DLGAP2: variants seen among roughly 807,000 people sequenced by gnomAD.
DLGAP2 encodes the protein DLG associated protein 2.
In DLGAP2, 26 loss-of-function variants were observed where a neutral mutation model predicts 100.3. The ratio of observed to expected loss-of-function variants is 0.26; its 90% CI spans 0.19 to 0.36. The LOEUF (loss-of-function observed/expected upper bound fraction) is 0.36. Ranked by LOEUF, DLGAP2 falls within the 10% of genes least tolerant of loss-of-function variation. DLGAP2 has a pLI of 1.00. For missense variants in DLGAP2, 1,858 were observed against 1,453.2 expected, an observed-to-expected ratio of 1.28 and a Z score of -4.53; for synonymous variants, 886 against 630.1, an observed-to-expected ratio of 1.41 and a Z score of -6.08.
intron 3 of DLGAP2, among the ~76,000 whole-genome samples, chr8:1,355,748 C>T (rs753303941): frequency 5.3e-5 from 8 of 152,068 alleles, no homozygotes; most frequent in Non-Finnish European, 1.2e-4. Context: ...TGGTCCTGTC[C>T]CTGTGGACAA....
chr8:855,286 C>T (rs570873080), intron 1 of DLGAP2, among the ~76,000 whole-genome samples: 1 of 152,114 alleles, frequency 6.6e-6, no homozygotes, highest in Non-Finnish European at 1.5e-5. Context: ...GCACTTTCAG[C>T]ATGAATGCCT....
chr8:1,233,821 C>T (rs758851085), intron 2 of DLGAP2, among the ~76,000 whole-genome samples: 1 of 152,158 alleles, frequency 6.6e-6, no homozygotes, highest in Non-Finnish European at 1.5e-5. Flanking sequence ...ATATAGAAGT[C>T]TTGGAAAGAG....
intron 2 of DLGAP2, among the ~76,000 whole-genome samples, chr8:1,055,679 C>T (rs1485053226): frequency 6.6e-6 from 1 of 152,220 alleles, no homozygotes; most frequent in Non-Finnish European, 1.5e-5. Context: ...CTTCCAGCTC[C>T]TCCACAAAGC....
intron 2 of DLGAP2, among the ~76,000 whole-genome samples, chr8:1,158,906 G>T (rs748283232): frequency 6.6e-6 from 1 of 152,244 alleles, no homozygotes; most frequent in Non-Finnish European, 1.5e-5. Context: ...GGCCTGACCA[G>T]TGGAACTGAA....
chr8:1,442,856 C>T (rs929850268), intron 3 of DLGAP2, among the ~76,000 whole-genome samples: 3 of 152,264 alleles, frequency 2.0e-5, no homozygotes, highest in Non-Finnish European at 4.4e-5. Flanking sequence ...TGGGTTTAGC[C>T]ACTGGGATTG....
At chr8:1,651,460 G>T (rs919450042) in intron 8 of DLGAP2, among the ~76,000 whole-genome samples, 1 of 152,162 alleles carries the variant, frequency 6.6e-6, no homozygotes, top group Admixed American at 6.5e-5. Flanking sequence ...ATCACCAAGA[G>T]ACTGGAAGTT....
At chr8:1,003,742 C>T (rs998793067) in intron 2 of DLGAP2, among the ~76,000 whole-genome samples, 22 of 152,296 alleles carry the variant, frequency 1.4e-4, no homozygotes, top group Non-Finnish European at 2.2e-4. Context: ...GTTGTCTGAG[C>T]GCCTGGATTC....
Position 1,652,078 on chromosome 8 carries a change from T to C in DLGAP2, c.1811-16251T>C, listed in dbSNP as rs115670034. 7.4e-3 allele frequency among the ~76,000 whole-genome samples: 1,121 copies of C among 152,360 alleles called. 16 individuals carry two copies. The highest frequency in any genetic ancestry group is 0.025 in the African/African-American group (1,059 of 41,586). On this transcript the variant is annotated intron_variant, in intron 8 of 14. Coordinates refer to ENST00000637795, the MANE Select transcript of DLGAP2 (RefSeq NM_001346810.2). ...GGTTTTTTTCTGGTCATACACTCTT[T>C]AACATGCAGGTGTAGAATTAAGAGA...
intron 6 of DLGAP2, among the ~76,000 whole-genome samples, chr8:1,572,994 G>A (rs1289344009): frequency 8.3e-6 from 1 of 120,388 alleles, no homozygotes; most frequent in African/African-American, 3.3e-5. Flanking sequence ...AACTGGAGGG[G>A]CGTCTTCTGG....
intron 3 of DLGAP2, among the ~76,000 whole-genome samples, chr8:1,426,411 CA>C (rs1797237943): frequency 6.6e-6 from 1 of 152,096 alleles, no homozygotes; most frequent in Non-Finnish European, 1.5e-5. Context: ...CAGCATGAAG[CA>C]GGAGCCCAGA....
intron 2 of DLGAP2, among the ~76,000 whole-genome samples, chr8:1,169,013 A>C (rs979890051): frequency 6.7e-6 from 1 of 148,954 alleles, no homozygotes; most frequent in Non-Finnish European, 1.5e-5. Flanking sequence ...TTATGGTTTT[A>C]GGTCTAACGT....
At chr8:1,189,700 A>G (rs1797592646) in intron 2 of DLGAP2, among the ~76,000 whole-genome samples, 1 of 151,542 alleles carries the variant, frequency 6.6e-6, no homozygotes, top group African/African-American at 2.4e-5. Flanking sequence ...CAGGAAGTTT[A>G]CAGTTTGTAA....
chr8:1,046,007 G>A (rs1281551394), intron 2 of DLGAP2, among the ~76,000 whole-genome samples: 2 of 151,882 alleles, frequency 1.3e-5, no homozygotes, highest in African/African-American at 2.4e-5. Context: ...AGTGAGAGGG[G>A]GAAAGTGAGA....
intron 2 of DLGAP2, among the ~76,000 whole-genome samples, chr8:1,205,145 T>C (rs777928395): frequency 3.3e-5 from 5 of 152,208 alleles, no homozygotes; most frequent in Non-Finnish European, 5.9e-5. Context: ...TCCCTTGTCC[T>C]GGAAAGGTCC....
At chr8:1,493,949 A>T (rs930390652) in intron 3 of DLGAP2, among the ~76,000 whole-genome samples, 5 of 152,252 alleles carry the variant, frequency 3.3e-5, no homozygotes, top group African/African-American at 9.6e-5. Flanking sequence ...GTGGACTCAC[A>T]AGACTGGTGG....
chr8:866,266 T>C (rs1017353908), intron 1 of DLGAP2, among the ~76,000 whole-genome samples: 10 of 152,182 alleles, frequency 6.6e-5, no homozygotes, highest in African/African-American at 1.4e-4. Flanking sequence ...GTATCTCTCA[T>C]GGACTCTCTT....
chr8:1,546,477 G>A (rs554263295), intron 4 of DLGAP2, among the ~76,000 whole-genome samples: 38 of 152,344 alleles, frequency 2.5e-4, no homozygotes, highest in Middle Eastern at 3.4e-3. Context: ...TGTTTCCATG[G>A]CCATGCTGGC....
chr8:850,944 C>T (rs541207439), intron 1 of DLGAP2, among the ~76,000 whole-genome samples: 1 of 152,178 alleles, frequency 6.6e-6, no homozygotes, highest in Non-Finnish European at 1.5e-5. Flanking sequence ...AGCCAAGATT[C>T]ACACCTTAGA....
chr8:1,116,018 C>G (rs374835041), intron 2 of DLGAP2, among the ~76,000 whole-genome samples: 1 of 152,184 alleles, frequency 6.6e-6, no homozygotes, highest in Non-Finnish European at 1.5e-5. Context: ...GGGAGCCATT[C>G]ACTCCGTCAG....
Sources: gnomAD v4.1 joint callset for allele counts (sites outside exome capture counted in the v4.1 genomes callset) on GRCh38, gnomAD v4.1.1 for gene constraint, MANE v1.5 for transcripts, NCBI Gene and HGNC (gene_info 2026-07-23, HGNC 2026-07-21) for gene names.